Variants in DCDC1 observed in about 807,000 individuals in gnomAD.
DCDC1 encodes the protein doublecortin domain containing 1, also known as doublecortin domain-containing protein 1.
DCDC1 carries 200 observed loss-of-function variants against 178.3 expected under a neutral mutation model. The observed-to-expected ratio is 1.12, with a 90% CI of 1.00 to 1.26. The LOEUF is 1.26. Ranked by LOEUF, DCDC1 falls within the 50% of genes most tolerant of loss-of-function variation. DCDC1 has a pLI of 0.00. For synonymous variants in DCDC1, 690 were observed against 604.8 expected (o/e 1.14, Z -2.07); for missense variants, 1,983 against 1,749.2 (o/e 1.13, Z -2.38).
At chr11:31,177,361 T>TA (rs1221259705) in intron 9 of DCDC1, among the ~76,000 whole-genome samples, 1 of 148,054 alleles carries the variant, frequency 6.8e-6, no homozygotes, top group Non-Finnish European at 1.5e-5. Flanking sequence ...ACCACAGAGG[T>TA]AAAAAAACAA....
At chr11:31,108,801 G>C (rs1424285826) in intron 12 of DCDC1, among the ~76,000 whole-genome samples, 1 of 152,118 alleles carries the variant, frequency 6.6e-6, no homozygotes, top group African/African-American at 2.4e-5. Context: ...CATTGGTTAG[G>C]GCTTTGCTGT....
chr11:31,049,026 T>C (rs1325546108), intron 20 of DCDC1, among the ~76,000 whole-genome samples: 2 of 152,256 alleles, frequency 1.3e-5, no homozygotes, highest in Admixed American at 6.5e-5. Context: ...TATTTGGTAT[T>C]TCTGTTTTAA....
intron 20 of DCDC1, among the ~76,000 whole-genome samples, chr11:30,963,192 C>T (rs1431017738): frequency 1.3e-5 from 2 of 152,084 alleles, no homozygotes; most frequent in Non-Finnish European, 2.9e-5. Flanking sequence ...AAAAGAAGTT[C>T]GTGCCATTTC....
chr11:31,256,602 C>G (rs1344053276), intron 8 of DCDC1, among the ~76,000 whole-genome samples: 1 of 152,082 alleles, frequency 6.6e-6, no homozygotes, highest in Non-Finnish European at 1.5e-5. Flanking sequence ...CATGCAAGGG[C>G]TATGTAGGGC....
chr11:30,932,055 C>T, intron 21 of DCDC1, 103 bp from the exon 22 acceptor site: 6 of 1,151,424 alleles, frequency 5.2e-6, no homozygotes, highest in Non-Finnish European at 5.7e-6. Context: ...ATCTCTCATT[C>T]ATTCAACAAA....
chr11:31,356,387 A>T lies in DCDC1; in HGVS notation c.-125+13310T>A, dbSNP rs185097888. ...GAAATAAAGATGTTCTTTGAAACCA[A>T]CGAGAACAAAGACACAACACACCAG... On this transcript the variant is annotated intron_variant, in intron 1 of 38. Coordinates refer to ENST00000684477, the MANE Select transcript of DCDC1 (RefSeq NM_001387274.1). Among the ~76,000 whole-genome samples the T allele has an allele frequency of 6.6e-4, 100 of 152,316 alleles. 1 individual carries two copies. The East Asian group carries it at 0.019, about 29-fold the overall frequency.
rs1554959158 is a variant in DCDC1 at position 30,888,150 on chromosome 11, G to GAAAGAA, written c.5082+4662_5082+4667dup. On this transcript the variant is annotated intron_variant, in intron 36 of 38. Transcript: ENST00000684477. ...AGAAAGAAAGAAAGAAAGAAAGAAA[G>GAAAGAA]AAAGAAAGAAAGGGAAAGAAAGAAA... 1.7e-3 allele frequency among the ~76,000 whole-genome samples: 227 copies of GAAAGAA among 135,030 alleles called. 3 individuals are homozygous for GAAAGAA. The highest frequency in any genetic ancestry group is 6.7e-3 in the African/African-American group (208 of 31,272). 88.6% of individuals were successfully genotyped at this position (135,030 alleles called of 152,430 possible). A position where few individuals can be genotyped will look rare whatever the true frequency, so the allele number is the denominator to read the frequency against.
At chr11:31,269,021 T>C (rs1372732093) in intron 7 of DCDC1, among the ~76,000 whole-genome samples, 2 of 152,234 alleles carry the variant, frequency 1.3e-5, no homozygotes, top group East Asian at 1.9e-4. Flanking sequence ...AAAAGTTAAA[T>C]GAGTTTTAAA....
At chr11:30,975,849 T>C (rs962988824) in intron 20 of DCDC1, among the ~76,000 whole-genome samples, 1 of 151,556 alleles carries the variant, frequency 6.6e-6, no homozygotes, top group African/African-American at 2.4e-5. Context: ...TTTACAGAAA[T>C]AGAAAAAAAA....
At chr11:31,162,693 C>T (rs1029669629) in intron 9 of DCDC1, among the ~76,000 whole-genome samples, 1 of 152,050 alleles carries the variant, frequency 6.6e-6, no homozygotes, top group Non-Finnish European at 1.5e-5. Flanking sequence ...CTAGATAAAT[C>T]AAAACCAGCA....
rs569940043 is a variant in DCDC1, at chr11:30,962,170, C to G, written c.2592-9602G>C. Among the ~76,000 whole-genome samples, 60 of 152,130 alleles carry G rather than the reference C, an allele frequency of 3.9e-4. No individual in the cohort carries two copies. In the Middle Eastern group the frequency reaches 0.01, roughly 26 times the overall value. ...AATAGAAACAAGACACTAAAGACTG[C>G]AGCATTATTAATTTGCAAGCCAAAA... On this transcript the variant is annotated intron_variant, in intron 20 of 38. Coordinates refer to ENST00000684477, the MANE Select transcript of DCDC1 (RefSeq NM_001387274.1).
intron 9 of DCDC1, among the ~76,000 whole-genome samples, chr11:31,138,844 ATAATAG>A (rs1963478455): frequency 6.6e-6 from 1 of 152,202 alleles, no homozygotes. Flanking sequence ...ATATACTAGA[ATAATAG>A]TATTAAACCT....
At chr11:31,024,041 G>T (rs1953066465) in intron 20 of DCDC1, among the ~76,000 whole-genome samples, 1 of 151,862 alleles carries the variant, frequency 6.6e-6, no homozygotes, top group Admixed American at 6.6e-5. Context: ...AGTCCTAGGG[G>T]TTTATCTTAG....
chr11:30,974,502 A>C (rs1474882040), intron 20 of DCDC1, among the ~76,000 whole-genome samples: 7 of 152,100 alleles, frequency 4.6e-5, no homozygotes, highest in Admixed American at 4.6e-4. Context: ...GAGAAGACCC[A>C]AATAAACCCA....
chr11:31,185,969 C>T (rs1191357801), intron 9 of DCDC1, among the ~76,000 whole-genome samples: 2 of 152,016 alleles, frequency 1.3e-5, no homozygotes, highest in Admixed American at 1.3e-4. Context: ...TGCTAATATG[C>T]CCTTCATTTT....
chr11:30,989,463 TG>T (rs1950850600), intron 20 of DCDC1, among the ~76,000 whole-genome samples: 1 of 152,154 alleles, frequency 6.6e-6, no homozygotes, highest in Admixed American at 6.6e-5. Flanking sequence ...CTTGGGAATT[TG>T]GAAAAATAAA....
intron 38 of DCDC1, among the ~76,000 whole-genome samples, chr11:30,873,387 A>AG (rs1565008354): frequency 6.7e-6 from 1 of 150,246 alleles, no homozygotes; most frequent in Non-Finnish European, 1.5e-5. Flanking sequence ...AGAGAGAGAG[A>AG]ACAAACTGGT....
At chr11:31,313,968 C>T (rs534262664) in intron 3 of DCDC1, among the ~76,000 whole-genome samples, 2 of 152,218 alleles carry the variant, frequency 1.3e-5, no homozygotes, top group Non-Finnish European at 1.5e-5. Flanking sequence ...GTATATGTCT[C>T]TACTGCAAAT....
intron 9 of DCDC1, among the ~76,000 whole-genome samples, chr11:31,227,230 G>A (rs1039757193): frequency 6.6e-6 from 1 of 152,138 alleles, no homozygotes; most frequent in Non-Finnish European, 1.5e-5. Context: ...TCTGTAGACT[G>A]TACAAGCATG....
Sources: allele counts gnomAD v4.1 joint callset (sites outside exome capture counted in the v4.1 genomes callset), GRCh38; gene constraint gnomAD v4.1.1; transcripts MANE v1.5; gene names NCBI Gene and HGNC (gene_info 2026-07-23, HGNC 2026-07-21).